Variants in KCTD1 observed in about 807,000 individuals in gnomAD.
KCTD1 encodes BTB/POZ domain-containing protein KCTD1.
In KCTD1, 24 loss-of-function variants were observed where a neutral mutation model predicts 66.0. The observed-to-expected ratio is 0.36, with a 90% confidence interval of 0.26 to 0.51. The LOEUF (loss-of-function observed/expected upper bound fraction) is 0.51, where lower values mean the gene tolerates loss of function less well. KCTD1 is among the 20% of genes least tolerant of loss of function. The probability of loss-of-function intolerance (pLI) is 0.95; values close to 1 mark genes in which losing one functional copy is unlikely to be tolerated. For synonymous variants in KCTD1, 511 were observed against 517.2 expected (o/e 0.99, Z 0.16); for missense variants, 943 against 1,205.2 (o/e 0.78, Z 3.22).
intron 2 of KCTD1, among the ~76,000 whole-genome samples, chr18:26,477,721 C>T (rs1981421468): frequency 6.6e-6 from 1 of 152,262 alleles, no homozygotes; most frequent in South Asian, 2.1e-4. Context: ...TTCCCTCTCT[C>T]CCCCAGAAGA....
intron 1 of KCTD1, among the ~76,000 whole-genome samples, chr18:26,570,169 G>T (rs969391215): frequency 8.2e-6 from 1 of 122,070 alleles, no homozygotes; most frequent in African/African-American, 3.1e-5. Context: ...CTGGGCGACA[G>T]AGCAAGACTC....
rs1055426229 is a variant in KCTD1, at chr18:26,504,774, T to C, written c.1810-3524A>G. 1.4e-4 allele frequency among the ~76,000 whole-genome samples: 22 copies of C among 152,348 alleles called. No homozygotes were observed. The South Asian group carries it at 2.7e-3, about 19-fold the overall frequency. ...GACACTGAAGTTGATGCTCAATATG[T>C]ATCCCATTGACTCCAGATGTTTCAT... On this transcript the variant is annotated intron_variant, in intron 1 of 4. Coordinates refer to ENST00000580059, the MANE Select transcript of KCTD1 (RefSeq NM_001142730.3).
intron 1 of KCTD1, among the ~76,000 whole-genome samples, chr18:26,507,142 G>T (rs1983083825): frequency 6.6e-6 from 1 of 152,016 alleles, no homozygotes; most frequent in Non-Finnish European, 1.5e-5. Context: ...CTCCAGCCTG[G>T]GTAACAGAGC....
upstream of KCTD1, chr18:26,549,295 C>A: frequency 1.1e-5 from 11 of 985,686 alleles, no homozygotes; most frequent in Non-Finnish European, 1.3e-5. Context: ...GCTCCCAACT[C>A]CCTTTCCGAC....
rs559367742 is a variant in KCTD1, at chr18:26,602,045, G to A, written c.-16+27102C>T. Reference sequence around the variant, plus strand: ...CTTCCATGATGAATGGAAGTGATGAGAACAGACATTCTTCTTGTGTTACTG... The same window carrying A: ...CTTCCATGATGAATGGAAGTGATGAAAACAGACATTCTTCTTGTGTTACTG... On this transcript the variant is annotated intron_variant, in intron 1 of 4. Transcript: ENST00000317932. 6.6e-5 allele frequency among the ~76,000 whole-genome samples: 10 copies of A among 152,254 alleles called. No individual in the cohort carries two copies. The South Asian group carries it at 2.1e-3, about 32-fold the overall frequency.
At chr18:26,485,385 G>A (rs761394281) in intron 2 of KCTD1, among the ~76,000 whole-genome samples, 1 of 152,240 alleles carries the variant, frequency 6.6e-6, no homozygotes, top group Non-Finnish European at 1.5e-5. Flanking sequence ...GCTCAGTAAA[G>A]CACTGTGCGT....
At position 26,459,835 on chromosome 18, in the gene KCTD1, C is replaced by G. The variant is rs1255770255; in HGVS notation, c.2224G>C (p.Gly742Arg). The change falls in exon 4 of 5, where the codon GGT becomes CGT. Residue 742 changes from glycine to arginine, a missense_variant. Gly to Arg is a moderately radical substitution (Grantham distance 125). Coordinates refer to ENST00000580059, the MANE Select transcript of KCTD1 (RefSeq NM_001142730.3). ...CACTCACAGGGCCTTGAAAATCGAC[C>G]AGTTTCTCTGTCCTGCTTCCATCTT... ...MERWKQDRETGRFSRPCECLV... is the reference protein window; with the variant it reads ...MERWKQDRETRRFSRPCECLV... 6 of 1,614,050 alleles carry G rather than the reference C, an allele frequency of 3.7e-6. No individual in the cohort carries two copies. The highest frequency in any genetic ancestry group is 3.4e-6 in the Non-Finnish European group (4 of 1,180,032).
upstream of KCTD1, among the ~76,000 whole-genome samples, chr18:26,633,243 C>T (rs578896): frequency 1 from 151,574 of 152,268 alleles, 75,448 homozygotes; most frequent in Middle Eastern, 1. Flanking sequence ...TAAATTATTT[C>T]AAAAACAATA....
intron 1 of KCTD1, among the ~76,000 whole-genome samples, chr18:26,574,720 G>C (rs986456566): frequency 6.6e-6 from 1 of 152,154 alleles, no homozygotes. Context: ...GAGTTGCGGT[G>C]AAGATCAAAA....
upstream of KCTD1, among the ~76,000 whole-genome samples, chr18:26,643,028 G>A (rs193082529): frequency 2.0e-3 from 299 of 152,226 alleles, 1 homozygote; most frequent in Middle Eastern, 3.4e-3. Context: ...AGTTCAGGCT[G>A]CCATAACAAA....
At chr18:26,654,813 T>A (rs559137760) in intron 1 of KCTD1, among the ~76,000 whole-genome samples, 1 of 152,348 alleles carries the variant, frequency 6.6e-6, no homozygotes, top group South Asian at 2.1e-4. Flanking sequence ...TTAGTAAACA[T>A]TTAACCTACT....
chr18:26,504,226 C>T (rs1567971282), intron 1 of KCTD1, among the ~76,000 whole-genome samples: 1 of 152,098 alleles, frequency 6.6e-6, no homozygotes, highest in East Asian at 1.9e-4. Flanking sequence ...CGTGCCACCA[C>T]GCTCAGCTAA....
chr18:26,520,526 G>C (rs1983861436), intron 1 of KCTD1, among the ~76,000 whole-genome samples: 1 of 152,198 alleles, frequency 6.6e-6, no homozygotes, highest in South Asian at 2.1e-4. Flanking sequence ...TAGAGATTTA[G>C]TTTGAGGTGG....
At chr18:26,641,615 G>A (rs895114208), upstream of KCTD1, among the ~76,000 whole-genome samples, 1 of 151,006 alleles carries the variant, frequency 6.6e-6, no homozygotes, top group Admixed American at 6.6e-5. Flanking sequence ...CCCCATCCTA[G>A]AACCCCTGGT....
chr18:26,512,775 G>A (rs933759890), intron 1 of KCTD1, among the ~76,000 whole-genome samples: 2 of 152,082 alleles, frequency 1.3e-5, no homozygotes, highest in Non-Finnish European at 2.9e-5. Flanking sequence ...GAGGCCAGGA[G>A]TTCAAGACCA....
intron 1 of KCTD1, among the ~76,000 whole-genome samples, chr18:26,597,815 A>T: frequency 6.6e-6 from 1 of 152,050 alleles, no homozygotes; most frequent in East Asian, 1.9e-4. Context: ...TGCCACATCC[A>T]ACTAATTTTT....
intron 1 of KCTD1, among the ~76,000 whole-genome samples, chr18:26,593,363 G>GGAGGAGGAA (rs1568003511): frequency 9.1e-5 from 10 of 109,332 alleles, no homozygotes; most frequent in African/African-American, 3.1e-4. Context: ...AGGAGGAAGA[G>GGAGGAGGAA]GAGGAGGAGG....
At chr18:26,527,520 G>A (rs1237257182) in intron 1 of KCTD1, among the ~76,000 whole-genome samples, 3 of 151,122 alleles carry the variant, frequency 2.0e-5, no homozygotes, top group Admixed American at 1.3e-4. Context: ...GGGATGACGA[G>A]GTGGAACATA....
chr18:26,625,319 C>CA (rs771182975), intron 1 of KCTD1, among the ~76,000 whole-genome samples: 51 of 152,228 alleles, frequency 3.4e-4, no homozygotes, highest in African/African-American at 1.2e-3. Flanking sequence ...ACTGTGTCCC[C>CA]ACGCCATGTC....
Sources: gnomAD v4.1 joint callset for allele counts (sites outside exome capture counted in the v4.1 genomes callset) on GRCh38, gnomAD v4.1.1 for gene constraint, MANE v1.5 for transcripts, NCBI Gene and HGNC (gene_info 2026-07-23, HGNC 2026-07-21) for gene names.